LIPA: variants seen among roughly 807,000 people sequenced by gnomAD.
LIPA encodes lipase A, lysosomal acid type.
Under a neutral mutation model 40.6 loss-of-function variants are expected in LIPA, and 26 were observed. That is an observed-to-expected ratio of 0.64 (90% CI 0.47 to 0.89). The LOEUF (loss-of-function observed/expected upper bound fraction) is 0.89, where lower values mean the gene tolerates loss of function less well. Ranked by LOEUF, LIPA falls within the 40% of genes least tolerant of loss-of-function variation. LIPA has a pLI of 0.00. For missense variants in LIPA, 455 were observed against 479.6 expected, an observed-to-expected ratio of 0.95 and a Z score of 0.48; for synonymous variants, 188 against 168.4, an observed-to-expected ratio of 1.12 and a Z score of -0.90.
In LIPA at chr10:89,238,567, C is replaced by G. The variant is rs112856105; in HGVS notation, c.229+7109G>C. Among the ~76,000 whole-genome samples the G allele has an allele frequency of 3.0e-4, 46 of 152,222 alleles. 1 individual carries two copies. Among genetic ancestry groups the G allele is most frequent in the African/African-American group, 1.0e-3 (42 of 41,502 alleles). On this transcript the variant is annotated intron_variant, in intron 3 of 9. Transcript: ENST00000336233. ...CCCACTTCTCCTGTCTCCCCTTCCA[C>G]TTCCTCCCCCTCTTCCACCTCTGCT...
chr10:89,384,214 C>T (rs1844186029), intron 2 of LIPA: 1 of 1,614,132 alleles, frequency 6.2e-7, no homozygotes, highest in Non-Finnish European at 8.5e-7. Flanking sequence ...ACAAATGATC[C>T]AAATCAAGGA....
intron 1 of LIPA, among the ~76,000 whole-genome samples, chr10:89,273,774 T>C (rs1450581031): frequency 6.6e-6 from 1 of 152,188 alleles, no homozygotes; most frequent in African/African-American, 2.4e-5. Context: ...ACCAGGTATT[T>C]TATTGGGCCT....
chr10:89,275,064 G>A (rs1467700761), intron 1 of LIPA, among the ~76,000 whole-genome samples: 3 of 152,208 alleles, frequency 2.0e-5, no homozygotes, highest in Admixed American at 2.0e-4. Context: ...AATAAATAAT[G>A]TCTCAACTCA....
At chr10:89,316,525 G>A (rs984009107) in intron 1 of LIPA, among the ~76,000 whole-genome samples, 2 of 152,202 alleles carry the variant, frequency 1.3e-5, no homozygotes, top group Admixed American at 6.5e-5. Flanking sequence ...GGGGAGGGGC[G>A]CCCACCATTG....
chr10:89,413,746 G>T (rs1293159758), intron 1 of LIPA, among the ~76,000 whole-genome samples: 1 of 138,712 alleles, frequency 7.2e-6, no homozygotes, highest in African/African-American at 2.8e-5. Context: ...CAACCTGAGT[G>T]ACAGAGTGAG....
At chr10:89,391,982 A>G (rs1029437044) in intron 2 of LIPA, among the ~76,000 whole-genome samples, 12 of 152,208 alleles carry the variant, frequency 7.9e-5, no homozygotes, top group Admixed American at 7.2e-4. Flanking sequence ...TCAGAATGAC[A>G]GTGTCCATGA....
chr10:89,325,778 C>A (rs1305037112), intron 1 of LIPA, among the ~76,000 whole-genome samples: 2 of 151,960 alleles, frequency 1.3e-5, no homozygotes, highest in African/African-American at 4.8e-5. Context: ...AGTGGGGTGA[C>A]TAAATAATCT....
intron 1 of LIPA, among the ~76,000 whole-genome samples, chr10:89,320,119 T>G (rs1162846021): frequency 6.6e-6 from 1 of 152,190 alleles, no homozygotes; most frequent in Non-Finnish European, 1.5e-5. Context: ...TCATACTGAA[T>G]GGGCAAAAAC....
At chr10:89,259,980 AG>A (rs1386250187) in intron 1 of LIPA, among the ~76,000 whole-genome samples, 12 of 152,328 alleles carry the variant, frequency 7.9e-5, no homozygotes, top group Non-Finnish European at 1.2e-4. Context: ...ATGGTTTCAC[AG>A]GTATATACAC....
chr10:89,375,464 C>G (rs189087222), intron 2 of LIPA, among the ~76,000 whole-genome samples: 1 of 152,304 alleles, frequency 6.6e-6, no homozygotes, highest in Admixed American at 6.5e-5. Flanking sequence ...AATGGTTGTT[C>G]TATGATGGGG....
At chr10:89,247,881 T>C (rs1362407572) in intron 1 of LIPA, 1 of 154,810 alleles carries the variant, frequency 6.5e-6, no homozygotes, top group Admixed American at 7.2e-5. Context: ...TTTATTTATT[T>C]ATGTTGAGAT....
At chr10:89,299,211 C>A (rs976812658) in intron 1 of LIPA, among the ~76,000 whole-genome samples, 7 of 151,092 alleles carry the variant, frequency 4.6e-5, no homozygotes. Context: ...ACAAAATATA[C>A]AAGAAGCTTC....
chr10:89,332,266 G>A (rs1242774629), intron 1 of LIPA, among the ~76,000 whole-genome samples: 2 of 152,238 alleles, frequency 1.3e-5, no homozygotes, highest in Non-Finnish European at 2.9e-5. Flanking sequence ...GTCACGTTAC[G>A]TGAGTCAGTT....
intron 2 of LIPA, among the ~76,000 whole-genome samples, chr10:89,382,661 C>T (rs1289266737): frequency 6.6e-6 from 1 of 152,216 alleles, no homozygotes; most frequent in African/African-American, 2.4e-5. Flanking sequence ...TCATTCATGC[C>T]TCTTCTTCTG....
At chr10:89,255,135 C>A (rs922757603), upstream of LIPA, among the ~76,000 whole-genome samples, 1 of 152,166 alleles carries the variant, frequency 6.6e-6, no homozygotes, top group Non-Finnish European at 1.5e-5. Flanking sequence ...ACAATAGCAC[C>A]CCATTCTACT....
intron 3 of LIPA, among the ~76,000 whole-genome samples, chr10:89,234,828 T>C (rs189917615): frequency 3.9e-5 from 6 of 152,260 alleles, no homozygotes; most frequent in Admixed American, 3.3e-4. Flanking sequence ...CTAGCGCCGA[T>C]TGCACGCTTG....
chr10:89,284,699 T>C (rs1206047871), intron 1 of LIPA: 1 of 152,418 alleles, frequency 6.6e-6, no homozygotes, highest in African/African-American at 2.4e-5. Context: ...TATGCTTCTG[T>C]GTACACCTGT....
intron 2 of LIPA, among the ~76,000 whole-genome samples, chr10:89,398,776 A>G (rs1029538915): frequency 1.3e-5 from 2 of 152,196 alleles, no homozygotes; most frequent in Admixed American, 6.5e-5. Context: ...CCATTCATCC[A>G]TCAATGGACA....
upstream of LIPA, among the ~76,000 whole-genome samples, chr10:89,253,828 C>T (rs1272038181): frequency 6.6e-6 from 1 of 152,192 alleles, no homozygotes; most frequent in Non-Finnish European, 1.5e-5. Context: ...GAGAAACTGG[C>T]CAAAATGAAG....
Sources: allele counts gnomAD v4.1 joint callset (sites outside exome capture counted in the v4.1 genomes callset), GRCh38; gene constraint gnomAD v4.1.1; transcripts MANE v1.5; gene names NCBI Gene and HGNC (gene_info 2026-07-23, HGNC 2026-07-21).